The following KDM4C variants were observed in gnomAD, a reference collection of about 807,000 sequenced individuals.
KDM4C encodes lysine-specific demethylase 4C.
Under a neutral mutation model 129.3 loss-of-function variants are expected in KDM4C, and 81 were observed. That is an observed-to-expected ratio of 0.63 (90% CI 0.52 to 0.75). The LOEUF is 0.75. Among genes scored for constraint, KDM4C ranks in the 30% least tolerant of loss-of-function variants. KDM4C has a pLI of 0.00. For missense variants in KDM4C, 1,457 were observed against 1,304.0 expected (o/e 1.12, Z -1.81); for synonymous variants, 573 against 456.1 (o/e 1.26, Z -3.26).
intron 17 of KDM4C, among the ~76,000 whole-genome samples, chr9:7,102,309 C>CTTTTTTTTTTTTT (rs34614459): frequency 2.2e-5 from 2 of 89,978 alleles, no homozygotes; most frequent in Non-Finnish European, 4.1e-5. Flanking sequence ...ATGGTTTTCC[C>CTTTTTTTTTTTTT]TTTTTTTTTT....
intron 15 of KDM4C, among the ~76,000 whole-genome samples, chr9:7,018,302 G>C (rs1175448712): frequency 6.6e-6 from 1 of 152,134 alleles, no homozygotes; most frequent in Admixed American, 6.5e-5. Context: ...ACAATCTTAT[G>C]GGACTACTGT....
chr9:6,757,081 A>T (rs1230433382), upstream of KDM4C, among the ~76,000 whole-genome samples: 1 of 152,174 alleles, frequency 6.6e-6, no homozygotes, highest in African/African-American at 2.4e-5. Flanking sequence ...TCTGATGCTC[A>T]ACCATCTGTC....
intron 1 of KDM4C, among the ~76,000 whole-genome samples, chr9:6,784,845 G>A (rs186729936): frequency 1.7e-4 from 26 of 152,336 alleles, no homozygotes; most frequent in Admixed American, 3.3e-4. Context: ...GCCCTCTTGT[G>A]GTTCAATAAC....
intron 18 of KDM4C, chr9:7,105,430 A>T: frequency 2.1e-6 from 1 of 470,946 alleles, no homozygotes; most frequent in Non-Finnish European, 4.4e-6. Flanking sequence ...CACTCAAAAA[A>T]TGAAAGTTGT....
At chr9:6,902,750 AG>A (rs1339312089) in intron 8 of KDM4C, 10 of 152,230 alleles carry the variant, frequency 6.6e-5, no homozygotes, top group African/African-American at 2.2e-4. Context: ...CAGTGTTTGC[AG>A]GGTAAGTGTC....
chr9:7,135,734 G>C (rs1841134135), intron 19 of KDM4C, among the ~76,000 whole-genome samples: 1 of 152,184 alleles, frequency 6.6e-6, no homozygotes, highest in Non-Finnish European at 1.5e-5. Flanking sequence ...TAAGAAAAAA[G>C]CCATTCCCAG....
At chr9:6,831,508 A>T (rs1039854119) in intron 4 of KDM4C, among the ~76,000 whole-genome samples, 8 of 151,914 alleles carry the variant, frequency 5.3e-5, no homozygotes, top group Middle Eastern at 3.2e-3. Flanking sequence ...ACGCCCAGCT[A>T]ATTTTTGTAT....
intron 8 of KDM4C, among the ~76,000 whole-genome samples, chr9:6,976,528 T>G (rs1832949348): frequency 6.6e-6 from 1 of 152,236 alleles, no homozygotes; most frequent in Admixed American, 6.5e-5. Flanking sequence ...TTTTAAAGTT[T>G]TATACACAGT....
chr9:7,154,501 G>A (rs1316064693), intron 19 of KDM4C, among the ~76,000 whole-genome samples: 1 of 152,220 alleles, frequency 6.6e-6, no homozygotes, highest in Non-Finnish European at 1.5e-5. Context: ...TTTGAGGACA[G>A]CAGCTTCTAG....
intron 1 of KDM4C, among the ~76,000 whole-genome samples, chr9:6,735,900 C>G (rs769734684): frequency 1.3e-5 from 2 of 152,100 alleles, no homozygotes; most frequent in Non-Finnish European, 2.9e-5. Context: ...GTTTGGCACT[C>G]CCTAGAGACT....
chr9:7,040,828 T>C (rs962620336), intron 15 of KDM4C, among the ~76,000 whole-genome samples: 2 of 151,978 alleles, frequency 1.3e-5, no homozygotes, highest in Non-Finnish European at 2.9e-5. Flanking sequence ...TTTATTTGGT[T>C]TCCAGAATTT....
intron 2 of KDM4C, among the ~76,000 whole-genome samples, chr9:6,795,432 A>C (rs1827548039): frequency 6.6e-6 from 1 of 152,134 alleles, no homozygotes; most frequent in African/African-American, 2.4e-5. Context: ...CCTGGTTTCA[A>C]GCTATTCTCC....
chr9:7,084,332 C>G, intron 17 of KDM4C, among the ~76,000 whole-genome samples: 1 of 152,270 alleles, frequency 6.6e-6, no homozygotes, highest in Non-Finnish European at 1.5e-5. Flanking sequence ...TGGAGCAGAG[C>G]CACAACCAAG....
chr9:7,107,163 G>T lies in KDM4C; in HGVS notation c.2610+3293G>T, dbSNP rs908657324. On this transcript the variant is annotated intron_variant, in intron 18 of 21. Coordinates refer to ENST00000381309, the MANE Select transcript of KDM4C (RefSeq NM_015061.6). Reference sequence around the variant, plus strand: ...GTCGGTGTGTGTAGTCATGCTGTCCGCTTCACCACCCTGTGCCATGATTCA... The same window carrying T: ...GTCGGTGTGTGTAGTCATGCTGTCCTCTTCACCACCCTGTGCCATGATTCA... 3.3e-5 allele frequency among the ~76,000 whole-genome samples: 5 copies of T among 152,276 alleles called. No individual in the cohort carries two copies. In the South Asian group the frequency reaches 1.0e-3, roughly 32 times the overall value.
In KDM4C at chr9:6,951,210, AATTAT is replaced by A. The variant is rs375858861; in HGVS notation, c.922-29712_922-29708del. On this transcript the variant is annotated intron_variant, in intron 8 of 21. Transcript: ENST00000381309. ...AATGTCTTCTTTCTTAGCTATTTGA[AATTAT>A]ATATTTCTATTAACTATAGTCATCC... is the stretch of plus-strand genomic sequence containing the variant. Among the ~76,000 whole-genome samples the A allele has an allele frequency of 8.0e-3, 1,223 of 152,218 alleles. 12 individuals are homozygous for A. Among genetic ancestry groups the A allele is most frequent in the African/African-American group, 0.027 (1,107 of 41,526 alleles).
At chr9:7,059,504 C>T (rs1258979925) in intron 17 of KDM4C, among the ~76,000 whole-genome samples, 2 of 152,196 alleles carry the variant, frequency 1.3e-5, no homozygotes, top group Non-Finnish European at 2.9e-5. Flanking sequence ...TTTTAAGCTA[C>T]TGCAGTACAT....
chr9:7,118,978 C>A (rs1839212981), intron 18 of KDM4C, among the ~76,000 whole-genome samples: 1 of 152,100 alleles, frequency 6.6e-6, no homozygotes, highest in African/African-American at 2.4e-5. Context: ...AAGCCCTTCC[C>A]CCTGTGCTCT....
At position 6,813,138 on chromosome 9, in the gene KDM4C, G is replaced by C. The variant is rs1325106947; in HGVS notation, c.321-1493G>C. Among the ~76,000 whole-genome samples, 4 of 152,090 alleles carry C rather than the reference G, an allele frequency of 2.6e-5. No homozygotes were observed. In the South Asian group the frequency reaches 8.3e-4, roughly 32 times the overall value. ...TTCAGTGAGCCGAGATCGTGCCGCT[G>C]TACTCCAGCCTGGGCAACAAGAGTG... On this transcript the variant is annotated intron_variant, in intron 3 of 21. Coordinates refer to ENST00000381309, the MANE Select transcript of KDM4C (RefSeq NM_015061.6).
chr9:7,025,930 C>T (rs1231420198), intron 15 of KDM4C, among the ~76,000 whole-genome samples: 8 of 152,154 alleles, frequency 5.3e-5, no homozygotes, highest in Non-Finnish European at 7.3e-5. Flanking sequence ...CCAGGCTGGA[C>T]ACGGTGGCCC....
Sources: allele counts gnomAD v4.1 joint callset (sites outside exome capture counted in the v4.1 genomes callset), GRCh38; gene constraint gnomAD v4.1.1; transcripts MANE v1.5; gene names NCBI Gene and HGNC (gene_info 2026-07-23, HGNC 2026-07-21).